Variants in IL18BP observed in about 807,000 individuals in gnomAD.
IL18BP encodes interleukin 18 binding protein, also known as interleukin-18-binding protein.
In IL18BP, 23 loss-of-function variants were observed where a neutral mutation model predicts 19.9. That is an observed-to-expected ratio of 1.15 (90% CI 0.83 to 1.64). The LOEUF (loss-of-function observed/expected upper bound fraction) is 1.64, where lower values mean the gene tolerates loss of function less well. IL18BP is among the 40% of genes most tolerant of loss of function. The pLI, the probability that IL18BP is intolerant of heterozygous loss-of-function variation, is 0.00. For missense variants in IL18BP, 239 were observed against 240.7 expected (o/e 0.99, Z 0.05); for synonymous variants, 107 against 101.0 (o/e 1.06, Z -0.35).
chr11:72,004,465 C>G (rs941288611), downstream of IL18BP: 8 of 1,220,194 alleles, frequency 6.6e-6, no homozygotes, highest in Non-Finnish European at 9.4e-6. Flanking sequence ...CCCTTCCCAA[C>G]TCTGGGCCAG....
chr11:72,004,634 G>A (rs190022860), downstream of IL18BP: 21 of 1,611,226 alleles, frequency 1.3e-5, no homozygotes, highest in African/African-American at 4.0e-5. Flanking sequence ...GAGCCACCGC[G>A]CCTACCTCAG....
downstream of IL18BP, chr11:72,005,757 C>T (rs1350625542): frequency 1.6e-5 from 8 of 504,662 alleles, no homozygotes; most frequent in Non-Finnish European, 2.4e-5. Context: ...AGCCCATCAC[C>T]GCCTGAGAAG....
downstream of IL18BP, chr11:72,006,013 TA>T (rs751182862): frequency 6.4e-7 from 1 of 1,570,140 alleles, no homozygotes; most frequent in Non-Finnish European, 8.7e-7. Flanking sequence ...TGGGGTATAG[TA>T]AGTCCCTGTA....
At chr11:72,007,067 T>C, downstream of IL18BP, 2 of 1,215,788 alleles carry the variant, frequency 1.6e-6, no homozygotes, top group Non-Finnish European at 2.3e-6. Flanking sequence ...CTCTCAGCTT[T>C]CCCACTGTAA....
In IL18BP at chr11:72,000,355, C is replaced by T. The variant is rs1235763297; in HGVS notation, c.33C>T (p.Leu11=). Residue 11 remains leucine (L), a synonymous_variant, in exon 3 of 6, where the codon CTC becomes CTT. Transcript: ENST00000393703. MTMRHNWTPD[L]SPLWVLLLCA... is the part of the protein sequence containing the mutation. ...CTGTAACTGTCCTTTCCTCAGACCT[C>T]AGCCCTTTGTGGGTCCTGCTCCTGT... 6.2e-7 allele frequency: 1 copy of T among 1,613,770 alleles called. No homozygotes were observed. Among genetic ancestry groups the T allele is most frequent in the Non-Finnish European group, 8.5e-7 (1 of 1,179,958 alleles).
downstream of IL18BP, chr11:72,006,055 A>G (rs774763599): frequency 6.2e-7 from 1 of 1,612,814 alleles, no homozygotes; most frequent in South Asian, 1.1e-5. Flanking sequence ...CCCACTGGAC[A>G]CCCCGGCCTG....
At chr11:72,005,360 C>G (rs140479977), downstream of IL18BP, 6 of 1,605,304 alleles carry the variant, frequency 3.7e-6, no homozygotes, top group Non-Finnish European at 5.1e-6. Context: ...CATGTAGAAG[C>G]TGTTCCTTCC....
chr11:72,004,323 A>G, downstream of IL18BP: 1 of 1,613,218 alleles, frequency 6.2e-7, no homozygotes, highest in Admixed American at 1.7e-5. Flanking sequence ...CGTGGGAAAC[A>G]GCTGGTGGCC....
downstream of IL18BP, chr11:72,004,030 G>A (rs369599832): frequency 1.9e-5 from 31 of 1,613,490 alleles, no homozygotes; most frequent in East Asian, 2.2e-5. Context: ...GCTCCCCGCC[G>A]CAGAAGGCTG....
chr11:72,001,151 A>C, intron 3 of IL18BP, 50 bp from the exon 4 acceptor site: 2 of 1,608,690 alleles, frequency 1.2e-6, no homozygotes. Flanking sequence ...AGAGCAGGGT[A>C]GGGGAAGGGC....
chr11:72,004,864 G>A, downstream of IL18BP: 1 of 1,502,258 alleles, frequency 6.7e-7, no homozygotes, highest in South Asian at 1.3e-5. Context: ...GTATGGAGAT[G>A]GAGGAGGACC....
chr11:72,007,450 C>T (rs757756252), downstream of IL18BP: 3 of 1,612,460 alleles, frequency 1.9e-6, no homozygotes, highest in Non-Finnish European at 1.7e-6. Context: ...GGAAAGGAAA[C>T]CTGCTGAGGT....
downstream of IL18BP, chr11:72,005,296 C>G: frequency 6.2e-7 from 1 of 1,609,764 alleles, no homozygotes; most frequent in South Asian, 1.1e-5. Context: ...GCTGCTGCAG[C>G]TCTGCAATGC....
chr11:72,004,913 T>C (rs757153201), downstream of IL18BP: 14 of 1,208,968 alleles, frequency 1.2e-5, no homozygotes, highest in South Asian at 1.5e-5. Flanking sequence ...CCGACACTTA[T>C]GGTCGGGACC....
At chr11:72,006,337 G>C (rs1214648212), downstream of IL18BP, 1 of 1,302,478 alleles carries the variant, frequency 7.7e-7, no homozygotes, top group African/African-American at 1.5e-5. Context: ...CCCTTCCGAA[G>C]CCCTCAGATC....
chr11:72,003,685 G>T (rs2134307411), downstream of IL18BP: 1 of 1,124,550 alleles, frequency 8.9e-7, no homozygotes, highest in Non-Finnish European at 1.3e-6. Flanking sequence ...GGCTGTGCCT[G>T]AGCAGCTCTG....
downstream of IL18BP, chr11:72,007,103 T>C (rs1590864465): frequency 6.6e-7 from 1 of 1,508,732 alleles, no homozygotes. Context: ...CATCCCTCCC[T>C]GCTCCTGACT....
At chr11:72,003,837 T>C (rs1398643598), downstream of IL18BP, 2 of 1,581,140 alleles carry the variant, frequency 1.3e-6, no homozygotes, top group Non-Finnish European at 1.7e-6. Context: ...GTCTGGGGGG[T>C]GCCCATGCTC....
chr11:72,004,424 T>G (rs1458300855), downstream of IL18BP: 6 of 1,332,204 alleles, frequency 4.5e-6, no homozygotes, highest in Non-Finnish European at 6.4e-6. Context: ...CAGAGCTGAG[T>G]GGACCTTGTA....
Sources: allele counts gnomAD v4.1 joint callset, GRCh38; gene constraint gnomAD v4.1.1; transcripts MANE v1.5; gene names NCBI Gene and HGNC (gene_info 2026-07-23, HGNC 2026-07-21).